Variants in KEL observed in about 807,000 individuals in gnomAD.
The protein encoded by KEL is Kell metallo-endopeptidase (Kell blood group).
In KEL, 96 loss-of-function variants were observed where a neutral mutation model predicts 99.5. The ratio of observed to expected loss-of-function variants is 0.97; its 90% confidence interval spans 0.82 to 1.14. The LOEUF (loss-of-function observed/expected upper bound fraction) is 1.14, where lower values mean the gene tolerates loss of function less well. KEL is among the 50% of genes most tolerant of loss of function. KEL has a pLI of 0.00. For synonymous variants in KEL, 355 were observed against 354.8 expected, an observed-to-expected ratio of 1.00 and a Z score of -0.01; for missense variants, 926 against 924.2, an observed-to-expected ratio of 1.00 and a Z score of -0.03.
Position 142,941,414 on chromosome 7 carries a change from C to A in KEL, c.2038-1G>T. On this transcript the variant is annotated splice_acceptor_variant, in intron 18 of 18. Coordinates refer to ENST00000355265, the MANE Select transcript of KEL (RefSeq NM_000420.3). LOFTEE classifies it high-confidence loss of function. Reference sequence around the variant, plus strand: ...GGGGGCTGGGCTTCCTACACATCACCTGAGCAGGAAGAGAGGTCATTGAAG... The same window carrying A: ...GGGGGCTGGGCTTCCTACACATCACATGAGCAGGAAGAGAGGTCATTGAAG... 1 of 1,591,738 alleles carries A rather than the reference C, an allele frequency of 6.3e-7. No homozygotes were observed. Among genetic ancestry groups the A allele is most frequent in the Non-Finnish European group, 8.6e-7 (1 of 1,165,952 alleles).
chr7:142,958,242 T>C (rs2116680985), intron 5 of KEL, 62 bp downstream of exon 5: 1 of 1,612,564 alleles, frequency 6.2e-7, no homozygotes, highest in East Asian at 2.2e-5. Context: ...ATGGCAGCCC[T>C]AAGCATGCAT....
At position 142,961,104 on chromosome 7, in the gene KEL, C is replaced by T. The variant is rs763303171; in HGVS notation, c.224G>A (p.Arg75His). Residue 75 changes from arginine to histidine, a missense_variant and splice_region_variant, in exon 4 of 19, where the codon CGC becomes CAC. Arg to His is a conservative substitution (Grantham distance 29). Coordinates refer to ENST00000355265, the MANE Select transcript of KEL (RefSeq NM_000420.3). The stretch of plus-strand genomic sequence containing the variant: ...CAAACACACAGATGTCTCACAGGGG[C>T]CTGTGGGGAAAAGCTCAGAGCTGGG... ...LFYNFQNCGP[R>H]PCETSVCLDL... The T allele has an allele frequency of 6.8e-6, 11 of 1,613,340 alleles. No homozygotes were observed. The highest frequency in any genetic ancestry group is 8.5e-6 in the Non-Finnish European group (10 of 1,180,048).
chr7:142,957,594 G>T (rs1796856688), intron 6 of KEL, among the ~76,000 whole-genome samples: 1 of 152,198 alleles, frequency 6.6e-6, no homozygotes, highest in Non-Finnish European at 1.5e-5. Context: ...CAGATTAACA[G>T]TAAGAAAGAC....
At chr7:142,955,557 T>C (rs1796809523) in intron 6 of KEL, among the ~76,000 whole-genome samples, 1 of 152,196 alleles carries the variant, frequency 6.6e-6, no homozygotes, top group Admixed American at 6.5e-5. Context: ...TTTATCATGA[T>C]ACTGAGTTTT....
rs1278948655 is a variant in KEL at position 142,958,018 on chromosome 7, C to G, written c.526-45G>C. On this transcript the variant is annotated intron_variant, in intron 5 of 18. Transcript: ENST00000355265. ...GGCTGAGCATAAGGATCCGTGGAGC[C>G]CATCCCCCATTGTCTGGATCGGCTC... 3 of 1,600,276 alleles carry G rather than the reference C, an allele frequency of 1.9e-6. No individual in the cohort carries two copies. The East Asian group carries it at 6.8e-5, about 36-fold the overall frequency.
At chr7:142,945,297 G>C (rs768178113) in intron 11 of KEL, among the ~76,000 whole-genome samples, 5 of 152,216 alleles carry the variant, frequency 3.3e-5, no homozygotes, top group Non-Finnish European at 7.3e-5. Flanking sequence ...AATATCGAGA[G>C]CCTGGGCTCT....
At chr7:142,952,157 T>C (rs1796701896) in intron 10 of KEL, among the ~76,000 whole-genome samples, 1 of 152,124 alleles carries the variant, frequency 6.6e-6, no homozygotes, top group South Asian at 2.1e-4. Context: ...GTCATCCCAA[T>C]AAATTGTAAG....
chr7:142,949,665 C>T (rs1193576235), intron 10 of KEL, among the ~76,000 whole-genome samples: 1 of 152,218 alleles, frequency 6.6e-6, no homozygotes, highest in Admixed American at 6.5e-5. Flanking sequence ...TAAATGAATG[C>T]ATAAATCCAT....
chr7:142,947,482 A>T, intron 10 of KEL, among the ~76,000 whole-genome samples: 1 of 152,140 alleles, frequency 6.6e-6, no homozygotes, highest in Admixed American at 6.5e-5. Context: ...ATCATTTTGG[A>T]GGTTGCTGCA....
chr7:142,961,889 GAGA>G lies in KEL; in HGVS notation c.4-20_4-18del, dbSNP rs780583820. On this transcript the variant is annotated intron_variant, in intron 1 of 18. Transcript: ENST00000355265. ...CCCACCTTCCTGAAGTGAGTGGAGG[GAGA>G]AGGAGGAGAGAGAAGCTGGTTCAGG... 4 of 1,612,850 alleles carry G rather than the reference GAGA, an allele frequency of 2.5e-6. No homozygotes were observed. Among genetic ancestry groups the G allele is most frequent in the East Asian group, 2.2e-5 (1 of 44,862 alleles).
rs1796966487 is a variant in KEL at position 142,961,820 on chromosome 7, C to T, written c.56G>A (p.Gly19Glu). The stretch of plus-strand genomic sequence containing the variant: ...CTCTTGGCTCCAGAGAGTTCCCATT[C>T]CACCTGCCTGGCTGCGTTCCCTCGG... ...EEPRERSQAGGMGTLWSQEST... is the reference protein window; with the variant it reads ...EEPRERSQAGEMGTLWSQEST... The change falls in exon 2 of 19, where the codon GGA (glycine) becomes GAA (glutamate). Residue 19 changes from glycine to glutamate, a missense_variant. Gly to Glu is a moderately conservative substitution (Grantham distance 98, BLOSUM62 -2). Coordinates refer to ENST00000355265, the MANE Select transcript of KEL (RefSeq NM_000420.3). 1 of 1,614,122 alleles carries T rather than the reference C, an allele frequency of 6.2e-7. No homozygotes were observed. Among genetic ancestry groups the T allele is most frequent in the Non-Finnish European group, 8.5e-7 (1 of 1,180,002 alleles).
chr7:142,949,238 T>C (rs1361100554), intron 10 of KEL, among the ~76,000 whole-genome samples: 1 of 152,244 alleles, frequency 6.6e-6, no homozygotes. Flanking sequence ...CCCCACTCTG[T>C]TGGCATTATC....
At chr7:142,961,660 A>T in intron 2 of KEL, 135 bp downstream of exon 2, 4 of 1,280,804 alleles carry the variant, frequency 3.1e-6, no homozygotes, top group Admixed American at 1.7e-5. Flanking sequence ...AACTCCTGGG[A>T]GATGAGAAAA....
Position 142,953,942 on chromosome 7 carries a change from G to A in KEL, c.939C>T (p.Ala313=), listed in dbSNP as rs1469166383. The A allele has an allele frequency of 6.2e-7, 1 of 1,614,026 alleles. No homozygotes were observed. Among genetic ancestry groups the A allele is most frequent in the African/African-American group, 1.3e-5 (1 of 74,924 alleles). The change falls in exon 9 of 19, where the codon GCC becomes GCT. Residue 313 remains alanine (A), a synonymous_variant. Transcript: ENST00000355265. ...CTTGCAAGCAGGACAACCAGTCGAT[G>A]GCGGGGGCCATTTCCTTAGAGGAGG... is the stretch of plus-strand genomic sequence containing the variant. ...TIDQLKEMAP[A]IDWLSCLQAT...
At chr7:142,948,390 A>C (rs902256949) in intron 10 of KEL, among the ~76,000 whole-genome samples, 1 of 152,202 alleles carries the variant, frequency 6.6e-6, no homozygotes, top group African/African-American at 2.4e-5. Flanking sequence ...GCACCAGAAA[A>C]AAAAAGTTCC....
rs1362857872 is a variant in KEL, at chr7:142,960,124, A to C, written c.400+804T>G. Among the ~76,000 whole-genome samples, 4 of 152,162 alleles carry C rather than the reference A, an allele frequency of 2.6e-5. No individual in the cohort carries two copies. In the East Asian group the frequency reaches 7.7e-4, roughly 29 times the overall value. On this transcript the variant is annotated intron_variant, in intron 4 of 18. Transcript: ENST00000355265. ...GTTTTCCTCTCCAGCCTCCATCTGC[A>C]GGAACTTTACTTCCACTGCCAATTA...
In KEL at chr7:142,941,409, A is replaced by G. The variant is rs776053637; in HGVS notation, c.2042T>C (p.Met681Thr). The G allele has an allele frequency of 6.3e-7, 1 of 1,596,548 alleles. No homozygotes were observed. The highest frequency in any genetic ancestry group is 8.6e-7 in the Non-Finnish European group (1 of 1,168,568). Residue 681 changes from methionine (M) to threonine (T), a missense_variant, in exon 19 of 19, where the codon ATG becomes ACG. Transcript: ENST00000355265. ...GTCCTGGGGGCTGGGCTTCCTACAC[A>G]TCACCTGAGCAGGAAGAGAGGTCAT... ...QIFFRSYAQV[M>T]CRKPSPQDSH...
At chr7:142,958,182 C>T (rs1162268334) in intron 5 of KEL, 122 bp downstream of exon 5, 33 of 1,451,322 alleles carry the variant, frequency 2.3e-5, no homozygotes, top group African/African-American at 4.2e-5. Flanking sequence ...CCATCTCCCT[C>T]CTAGAAATTG....
At chr7:142,950,537 A>G (rs568435718) in intron 10 of KEL, among the ~76,000 whole-genome samples, 34 of 152,164 alleles carry the variant, frequency 2.2e-4, no homozygotes, top group Non-Finnish European at 4.4e-4. Flanking sequence ...CTCTCTAGAC[A>G]TTTTGTCAGT....
Sources: gnomAD v4.1 joint callset for allele counts (sites outside exome capture counted in the v4.1 genomes callset) on GRCh38, gnomAD v4.1.1 for gene constraint, MANE v1.5 for transcripts, NCBI Gene and HGNC (gene_info 2026-07-23, HGNC 2026-07-21) for gene names.